The following ZC3H12B variants were observed in gnomAD, a reference collection of about 807,000 sequenced individuals.
ZC3H12B encodes probable ribonuclease ZC3H12B.
In ZC3H12B, 7 loss-of-function variants were observed where a neutral mutation model predicts 43.9. The ratio of observed to expected loss-of-function variants is 0.16; its 90% confidence interval spans 0.09 to 0.30. The LOEUF (loss-of-function observed/expected upper bound fraction) is 0.30. Ranked by LOEUF, ZC3H12B falls within the 10% of genes least tolerant of loss-of-function variation. The pLI, the probability that ZC3H12B is intolerant of heterozygous loss-of-function variation, is 1.00. For synonymous variants in ZC3H12B, 222 were observed against 241.7 expected (o/e 0.92, Z 0.76); for missense variants, 475 against 670.2 (o/e 0.71, Z 3.22).
chrX:65,141,661 C>T, the ZC3H12B span, among the ~76,000 whole-genome samples: 1 of 110,372 alleles, frequency 9.1e-6, no homozygotes, highest in Non-Finnish European at 1.9e-5. Flanking sequence ...AGCCTTTTTC[C>T]CCCTTCCCAC....
chrX:65,480,878 A>G (rs965837350), intron 3 of ZC3H12B, among the ~76,000 whole-genome samples: 13 of 110,753 alleles, frequency 1.2e-4, no homozygotes, highest in Non-Finnish European at 2.3e-4. Flanking sequence ...TACAAGGATG[A>G]AATATTTAAT....
At chrX:65,082,378 A>C in the ZC3H12B span, among the ~76,000 whole-genome samples, 1 of 111,785 alleles carries the variant, frequency 8.9e-6, no homozygotes, top group African/African-American at 3.2e-5. Flanking sequence ...CGTTTAGGCA[A>C]ACTAAGAAAA....
chrX:65,193,991 G>T, the ZC3H12B span, among the ~76,000 whole-genome samples: 1 of 110,754 alleles, frequency 9.0e-6, no homozygotes, highest in East Asian at 2.9e-4. Context: ...AACACTTCAT[G>T]TGGCTGGAGC....
chrX:65,211,988 T>A, the ZC3H12B span, among the ~76,000 whole-genome samples: 199 of 68,908 alleles, frequency 2.9e-3, no homozygotes, highest in African/African-American at 0.012. Flanking sequence ...ATATAATATA[T>A]AATATATGTT....
chrX:65,352,879 G>A, the ZC3H12B span, among the ~76,000 whole-genome samples: 1 of 111,574 alleles, frequency 9.0e-6, no homozygotes, highest in South Asian at 3.7e-4. Flanking sequence ...ATAGGGTCTC[G>A]CTCTGTTACA....
chrX:65,344,207 C>T, the ZC3H12B span, among the ~76,000 whole-genome samples: 1 of 112,071 alleles, frequency 8.9e-6, no homozygotes, highest in African/African-American at 3.2e-5. Flanking sequence ...GAAAACATTC[C>T]ATGCTCATGT....
chrX:65,130,370 G>A, the ZC3H12B span, among the ~76,000 whole-genome samples: 1 of 111,142 alleles, frequency 9.0e-6, no homozygotes, highest in Non-Finnish European at 1.9e-5. Context: ...TGACTGTGGT[G>A]ACCTTTTTAG....
chrX:65,102,880 G>A, the ZC3H12B span, among the ~76,000 whole-genome samples: 1 of 111,587 alleles, frequency 9.0e-6, no homozygotes, highest in East Asian at 2.8e-4. Context: ...TTTTATTATG[G>A]ATTTCAAAAG....
chrX:65,375,971 G>A (rs928852169), intron 2 of ZC3H12B, among the ~76,000 whole-genome samples: 1 of 112,145 alleles, frequency 8.9e-6, no homozygotes, highest in Admixed American at 9.4e-5. Context: ...CCACAGGAGG[G>A]TAGAGTACCA....
chrX:65,427,323 C>A (rs1469620154), intron 3 of ZC3H12B, among the ~76,000 whole-genome samples: 1 of 110,630 alleles, frequency 9.0e-6, no homozygotes, highest in Non-Finnish European at 1.9e-5. Flanking sequence ...AGATTTCTCT[C>A]CATCCCTTTA....
chrX:65,368,436 A>C (rs1197026731), intron 1 of ZC3H12B, among the ~76,000 whole-genome samples: 1 of 112,000 alleles, frequency 8.9e-6, no homozygotes, highest in African/African-American at 3.2e-5. Flanking sequence ...TACTTAATAA[A>C]ATTTAGATAA....
chrX:65,224,739 G>C, the ZC3H12B span, among the ~76,000 whole-genome samples: 1 of 112,119 alleles, frequency 8.9e-6, no homozygotes, highest in East Asian at 2.8e-4. Flanking sequence ...ACATGACTCA[G>C]AGGGTCCTAG....
intron 3 of ZC3H12B, among the ~76,000 whole-genome samples, chrX:65,401,141 T>C (rs1439956298): frequency 4.6e-5 from 5 of 109,616 alleles, no homozygotes; most frequent in Non-Finnish European, 9.5e-5. Flanking sequence ...TCATAATACC[T>C]GGTTTTAACT....
chrX:65,443,536 A>G (rs2067333514), intron 3 of ZC3H12B, among the ~76,000 whole-genome samples: 1 of 112,589 alleles, frequency 8.9e-6, no homozygotes, highest in African/African-American at 3.2e-5. Context: ...AGTCATTAGC[A>G]TTGTTTCTAT....
the ZC3H12B span, among the ~76,000 whole-genome samples, chrX:65,178,507 C>G: frequency 8.9e-6 from 1 of 112,226 alleles, no homozygotes; most frequent in African/African-American, 3.2e-5. Context: ...TAATTGCAAT[C>G]TATCCATCTG....
the ZC3H12B span, among the ~76,000 whole-genome samples, chrX:65,330,469 C>T: frequency 2.3e-4 from 26 of 111,294 alleles, no homozygotes; most frequent in South Asian, 9.9e-3. Flanking sequence ...GAGAGTGCGT[C>T]CCTGTCTTGT....
the ZC3H12B span, among the ~76,000 whole-genome samples, chrX:65,119,441 A>C: frequency 1.8e-5 from 2 of 112,096 alleles, no homozygotes; most frequent in African/African-American, 6.5e-5. Context: ...GGCTGCATAA[A>C]TGTCTTCTTT....
At chrX:65,154,049 G>A in the ZC3H12B span, among the ~76,000 whole-genome samples, 4 of 110,635 alleles carry the variant, frequency 3.6e-5, no homozygotes, top group Admixed American at 1.9e-4. Flanking sequence ...ATGGACACAG[G>A]AAGGGGAATA....
At chrX:65,290,318 CACAAA>C in the ZC3H12B span, among the ~76,000 whole-genome samples, 1 of 109,507 alleles carries the variant, frequency 9.1e-6, no homozygotes, top group Non-Finnish European at 1.9e-5. Flanking sequence ...TTTAAAAAAA[CACAAA>C]ACAAAAACAA....
Sources: allele counts gnomAD v4.1 joint callset (sites outside exome capture counted in the v4.1 genomes callset), GRCh38; gene constraint gnomAD v4.1.1; transcripts MANE v1.5; gene names NCBI Gene and HGNC (gene_info 2026-07-23, HGNC 2026-07-21).